The following SPTBN1 variants were observed in gnomAD, a reference collection of about 807,000 sequenced individuals.
SPTBN1 encodes the protein spectrin beta chain, non-erythrocytic 1.
SPTBN1 carries 32 observed loss-of-function variants against 266.4 expected under a neutral mutation model. That is an observed-to-expected ratio of 0.12 (90% CI 0.09 to 0.16). SPTBN1 has a LOEUF of 0.16. Among genes scored for constraint, SPTBN1 ranks in the 10% least tolerant of loss-of-function variants. The pLI is 1.00. For missense variants in SPTBN1, 2,296 were observed against 3,067.1 expected, an observed-to-expected ratio of 0.75 and a Z score of 5.94; for synonymous variants, 1,336 against 1,162.2, an observed-to-expected ratio of 1.15 and a Z score of -3.04.
intron 1 of SPTBN1, among the ~76,000 whole-genome samples, chr2:54,510,169 G>A (rs553047473): frequency 1.8e-4 from 28 of 152,092 alleles, no homozygotes; most frequent in African/African-American, 6.7e-4. Context: ...ATGTTGGCCA[G>A]GCTGGTCTCA....
intron 7 of SPTBN1, among the ~76,000 whole-genome samples, chr2:54,619,024 A>G (rs981102572): frequency 1.3e-5 from 2 of 152,244 alleles, no homozygotes; most frequent in African/African-American, 2.4e-5. Flanking sequence ...AGCATTTAAA[A>G]TATCTGGATT....
rs71408771 is a variant in SPTBN1 at position 54,576,055 on chromosome 2, C to CT, written c.149-23020dup. Among the ~76,000 whole-genome samples the CT allele has an allele frequency of 7.6e-3, 142 of 18,728 alleles. 13 individuals are homozygous for CT. The highest frequency in any genetic ancestry group is 0.028 in the East Asian group (45 of 1,580). The allele number at this position is 18,728 out of a possible 152,430, so 12.3% of individuals were successfully genotyped here. On this transcript the variant is annotated intron_variant, in intron 2 of 35. Coordinates refer to ENST00000356805, the MANE Select transcript of SPTBN1 (RefSeq NM_003128.3). ...TTTTCCTTTTGTCACTCAGATCCAGCTTTTTTTTTTTTTTTTTGAGAGACA... is the reference window on the plus strand; with the variant it reads ...TTTTCCTTTTGTCACTCAGATCCAGCTTTTTTTTTTTTTTTTTTGAGAGACA...
chr2:54,541,947 A>T (rs1290220195), intron 2 of SPTBN1, among the ~76,000 whole-genome samples: 2 of 152,168 alleles, frequency 1.3e-5, no homozygotes, highest in Admixed American at 6.5e-5. Flanking sequence ...TCCATTTTTT[A>T]AAATGCTAGC....
intron 26 of SPTBN1, among the ~76,000 whole-genome samples, chr2:54,650,659 G>A (rs1408136984): frequency 1.3e-5 from 2 of 152,202 alleles, no homozygotes; most frequent in African/African-American, 4.8e-5. Flanking sequence ...GTTGTTAAGA[G>A]TATATTGAGT....
chr2:54,503,475 C>G (rs1343958223), intron 1 of SPTBN1, among the ~76,000 whole-genome samples: 25 of 152,064 alleles, frequency 1.6e-4, no homozygotes, highest in Admixed American at 1.6e-3. Context: ...CACTGGCTGT[C>G]TCACCCAGCA....
rs1303667433 is a variant in SPTBN1, at chr2:54,533,860, A to C, written c.148+7294A>C. Among the ~76,000 whole-genome samples, 1 of 151,526 alleles carries C rather than the reference A, an allele frequency of 6.6e-6. No individual in the cohort carries two copies. Among genetic ancestry groups the C allele is most frequent in the Non-Finnish European group, 1.5e-5 (1 of 67,918 alleles). ...GCCTCCACGCCCGGCCTGCTGTAGT[A>C]ATTTAGGGGGAAAGATTGATCTCTC... On this transcript the variant is annotated intron_variant, in intron 2 of 35. Transcript: ENST00000356805. This position sits in a 1 kb window ranked among gnomAD's most constrained non-coding sequence, Gnocchi z 4.2.
intron 1 of SPTBN1, among the ~76,000 whole-genome samples, chr2:54,486,390 G>A (rs1183250733): frequency 1.3e-5 from 2 of 152,262 alleles, no homozygotes; most frequent in East Asian, 3.9e-4. Flanking sequence ...AAATTCTTCT[G>A]CCTTGGGATC....
At chr2:54,473,998 C>T (rs1424426009) in intron 1 of SPTBN1, among the ~76,000 whole-genome samples, 12 of 152,192 alleles carry the variant, frequency 7.9e-5, no homozygotes, top group Admixed American at 7.2e-4. Context: ...TAACTGGCTC[C>T]TTCTGCAGTG....
intron 2 of SPTBN1, among the ~76,000 whole-genome samples, chr2:54,570,836 C>T (rs192526734): frequency 2.4e-4 from 37 of 151,872 alleles, no homozygotes; most frequent in African/African-American, 8.5e-4. Context: ...TAAAGTTTAC[C>T]GTGTCTTTGA....
chr2:54,575,762 T>G (rs772759998), intron 2 of SPTBN1, among the ~76,000 whole-genome samples: 7 of 152,226 alleles, frequency 4.6e-5, no homozygotes, highest in Non-Finnish European at 8.8e-5. Flanking sequence ...TCAGTTTCGA[T>G]GTATCGGGAA....
Position 54,670,956 on chromosome 2 carries a change from T to C in SPTBN1, c.*2387T>C. ...GCAGGGTAAATAGTTTTTGGGTTTTTTGTTTTTTTTTTATTCTTCCACTAT... is the reference window on the plus strand; with the variant it reads ...GCAGGGTAAATAGTTTTTGGGTTTTCTGTTTTTTTTTTATTCTTCCACTAT... On this transcript the variant is annotated 3_prime_UTR_variant, in exon 36 of 36. Coordinates refer to ENST00000356805, the MANE Select transcript of SPTBN1 (RefSeq NM_003128.3). The C allele has an allele frequency of 5.0e-6, 2 of 396,868 alleles. No individual in the cohort carries two copies. Among genetic ancestry groups the C allele is most frequent in the Admixed American group, 8.8e-5 (2 of 22,692 alleles). The allele number at this position is 396,868 out of a possible 1,614,324, so 24.6% of individuals were successfully genotyped here.
chr2:54,622,215 T>A, intron 8 of SPTBN1, 85 bp from the exon 9 acceptor site: 1 of 1,429,340 alleles, frequency 7.0e-7, no homozygotes, highest in Non-Finnish European at 9.6e-7. Context: ...GGTCGTTTTG[T>A]GTGCATGCAC....
At chr2:54,631,832 A>G (rs1678753512) in intron 16 of SPTBN1, among the ~76,000 whole-genome samples, 1 of 152,182 alleles carries the variant, frequency 6.6e-6, no homozygotes, top group African/African-American at 2.4e-5. Flanking sequence ...TTGCCTTACA[A>G]AGTACTGTTT....
chr2:54,650,097 C>G (rs180833047), intron 26 of SPTBN1, 108 bp downstream of exon 26: 10 of 1,397,356 alleles, frequency 7.2e-6, no homozygotes, highest in African/African-American at 4.3e-5. Context: ...AAGAATTGCC[C>G]CAATTAAGCA....
intron 1 of SPTBN1, among the ~76,000 whole-genome samples, chr2:54,493,435 A>C (rs1288969946): frequency 6.7e-6 from 1 of 149,984 alleles, no homozygotes; most frequent in East Asian, 2.0e-4. Context: ...GAGACAGTCT[A>C]ACTCTTGTCA....
intron 34 of SPTBN1, among the ~76,000 whole-genome samples, chr2:54,666,956 G>C (rs985627306): frequency 3.3e-5 from 5 of 152,170 alleles, no homozygotes; most frequent in African/African-American, 1.2e-4. Flanking sequence ...TGGCTCCTTG[G>C]CTGCTTTCCC....
rs903953639 is a variant in SPTBN1 at position 54,653,255 on chromosome 2, G to A, written c.5578-354G>A. On this transcript the variant is annotated intron_variant, in intron 26 of 35. Transcript: ENST00000356805. This position sits in a 1 kb window ranked among gnomAD's most constrained non-coding sequence, Gnocchi z 5.1. ...TCATAAAAACATTTATCTTTACCCC[G>A]AGATAGCAGATTAGGTATTTATTTT... 4.9e-5 allele frequency: 9 copies of A among 181,858 alleles called. No homozygotes were observed. Among genetic ancestry groups the A allele is most frequent in the African/African-American group, 9.5e-5 (4 of 42,294 alleles). 11.3% of individuals were successfully genotyped at this position (181,858 alleles called of 1,614,324 possible). A position where few individuals can be genotyped will look rare whatever the true frequency, so the allele number is the denominator to read the frequency against.
chr2:54,664,944 ATT>A lies in SPTBN1; in HGVS notation c.6659+255_6659+256del. 1 of 466,030 alleles carries A rather than the reference ATT, an allele frequency of 2.1e-6. No individual in the cohort carries two copies. Among genetic ancestry groups the A allele is most frequent in the Non-Finnish European group, 3.9e-6 (1 of 257,718 alleles). 28.9% of individuals were successfully genotyped at this position (466,030 alleles called of 1,614,324 possible). A position where few individuals can be genotyped will look rare whatever the true frequency, so the allele number is the denominator to read the frequency against. ...CTTTAGTAGTTCATCTAGAGAAGGA[ATT>A]TGCTAGATTGAGACTGAAGAGTCTT... On this transcript the variant is annotated intron_variant, in intron 33 of 35. Transcript: ENST00000356805. The surrounding 1 kb of genome is among the most constrained non-coding windows in gnomAD (Gnocchi z 5.6).
At chr2:54,511,063 C>T (rs1186447234) in intron 1 of SPTBN1, among the ~76,000 whole-genome samples, 1 of 152,188 alleles carries the variant, frequency 6.6e-6, no homozygotes, top group Non-Finnish European at 1.5e-5. Context: ...GGATTAGGGT[C>T]TGGCCCCACA....
Sources: allele counts gnomAD v4.1 joint callset (sites outside exome capture counted in the v4.1 genomes callset), GRCh38; gene constraint gnomAD v4.1.1; non-coding constraint Gnocchi (gnomAD v3.1); transcripts MANE v1.5; gene names NCBI Gene and HGNC (gene_info 2026-07-23, HGNC 2026-07-21).